Variants in NBAS observed in about 807,000 individuals in gnomAD.
The protein encoded by NBAS is NBAS subunit of NRZ tethering complex.
In NBAS, 219 loss-of-function variants were observed where a neutral mutation model predicts 302.5. The ratio of observed to expected loss-of-function variants is 0.72; its 90% confidence interval spans 0.65 to 0.81. The LOEUF is 0.81. Among genes scored for constraint, NBAS ranks in the 30% least tolerant of loss-of-function variants. NBAS has a pLI of 0.00. For synonymous variants in NBAS, 1,118 were observed against 1,021.6 expected, an observed-to-expected ratio of 1.09 and a Z score of -1.80; for missense variants, 2,932 against 2,841.6, an observed-to-expected ratio of 1.03 and a Z score of -0.72.
intron 35 of NBAS, among the ~76,000 whole-genome samples, chr2:15,331,587 C>T (rs1291711356): frequency 6.6e-6 from 1 of 152,028 alleles, no homozygotes; most frequent in Non-Finnish European, 1.5e-5. Context: ...AGAAGGATAA[C>T]GTAATAGCTT....
the NBAS span, among the ~76,000 whole-genome samples, chr2:14,826,910 C>T: frequency 6.6e-6 from 1 of 152,204 alleles, no homozygotes; most frequent in South Asian, 2.1e-4. Flanking sequence ...CATGTTCCAA[C>T]TCTTTGTAAA....
rs559458188 is a variant in NBAS at position 15,167,063 on chromosome 2, T to C, written c.7101A>G (p.Ala2367=). The C allele has an allele frequency of 1.4e-4, 226 of 1,588,124 alleles. No individual in the cohort carries two copies. Among genetic ancestry groups the C allele is most frequent in the Non-Finnish European group, 1.9e-4 (220 of 1,164,904 alleles). ...CAGGTGGCCCTCACACCCAGTGCTGTGCTGCGCGGAGGGCTGTACTGAAGG... is the reference window on the plus strand; with the variant it reads ...CAGGTGGCCCTCACACCCAGTGCTGCGCTGCGCGGAGGGCTGTACTGAAGG... ...FRTFSTALRA[A]QHWV The change falls in exon 52 of 52, where the codon GCA becomes GCG. Residue 2367 remains alanine, a synonymous_variant. Coordinates refer to ENST00000281513, the MANE Select transcript of NBAS (RefSeq NM_015909.4).
rs975765309 is a variant in NBAS, at chr2:15,292,149, A to G, written c.5027+388T>C. On this transcript the variant is annotated intron_variant, in intron 41 of 51. Transcript: ENST00000281513. ...GCTACTACACCTGGCTAATTTTTGT[A>G]TTTTTAGTAGAGATGGGGTTTTGCC... is the stretch of plus-strand genomic sequence containing the variant. Among the ~76,000 whole-genome samples the G allele has an allele frequency of 9.9e-5, 15 of 151,892 alleles. 1 individual carries two copies. The highest frequency in any genetic ancestry group is 3.2e-3 in the Middle Eastern group (1 of 316).
chr2:15,024,251 C>T, the NBAS span, among the ~76,000 whole-genome samples: 3 of 151,538 alleles, frequency 2.0e-5, no homozygotes, highest in Admixed American at 6.6e-5. Context: ...CATTAGTTTG[C>T]TAAGGATGAT....
chr2:15,324,011 G>A (rs58587204), intron 38 of NBAS, among the ~76,000 whole-genome samples: 40,381 of 151,778 alleles, frequency 0.27, 5,946 homozygotes, highest in East Asian at 0.59. Flanking sequence ...GAACTACAGA[G>A]GTAAGTTTGA....
the NBAS span, among the ~76,000 whole-genome samples, chr2:14,906,405 C>T: frequency 6.6e-6 from 1 of 152,234 alleles, no homozygotes; most frequent in Non-Finnish European, 1.5e-5. Context: ...ACTCACATCT[C>T]ATTGACCCCT....
chr2:15,170,794 A>G (rs1227309292), intron 51 of NBAS, among the ~76,000 whole-genome samples: 8 of 152,226 alleles, frequency 5.3e-5, no homozygotes, highest in Admixed American at 5.2e-4. Flanking sequence ...GACCCATTCC[A>G]ACAAGTACAT....
chr2:14,918,643 G>A, the NBAS span, among the ~76,000 whole-genome samples: 129 of 152,338 alleles, frequency 8.5e-4, no homozygotes, highest in Non-Finnish European at 1.4e-3. Context: ...TAAGGGCCCA[G>A]ATTGACAAGT....
rs1412491257 is a variant in NBAS, at chr2:15,321,316, A to G, written c.4582+6434T>C. Among the ~76,000 whole-genome samples, 6 of 152,334 alleles carry G rather than the reference A, an allele frequency of 3.9e-5. No homozygotes were observed. In the East Asian group the frequency reaches 9.6e-4, roughly 24 times the overall value. ...CCTAGAAGAAAACCTAGGCAATACCATTCAGGACATAGGCCTGGGCAAGGA... is the reference window on the plus strand; with the variant it reads ...CCTAGAAGAAAACCTAGGCAATACCGTTCAGGACATAGGCCTGGGCAAGGA... On this transcript the variant is annotated intron_variant, in intron 38 of 51. Transcript: ENST00000281513.
At chr2:15,235,260 G>C (rs1667542928) in intron 45 of NBAS, among the ~76,000 whole-genome samples, 4 of 152,086 alleles carry the variant, frequency 2.6e-5, no homozygotes, top group Admixed American at 2.6e-4. Context: ...TATAAAAAAG[G>C]AAATTAAAGA....
the NBAS span, among the ~76,000 whole-genome samples, chr2:14,779,606 G>A: frequency 6.6e-6 from 1 of 152,100 alleles, no homozygotes; most frequent in Admixed American, 6.5e-5. Context: ...CAGACCAGAT[G>A]TTCACTCCTT....
the NBAS span, among the ~76,000 whole-genome samples, chr2:15,091,323 G>A: frequency 6.6e-6 from 1 of 152,170 alleles, no homozygotes; most frequent in Admixed American, 6.5e-5. Context: ...ACTGATATGT[G>A]GATTTTCTTC....
chr2:15,008,032 T>C, the NBAS span, among the ~76,000 whole-genome samples: 1 of 152,250 alleles, frequency 6.6e-6, no homozygotes, highest in Non-Finnish European at 1.5e-5. Flanking sequence ...GATGTTGCTA[T>C]GCAACAGATG....
At chr2:15,258,145 C>T (rs1668688350) in intron 44 of NBAS, among the ~76,000 whole-genome samples, 1 of 152,206 alleles carries the variant, frequency 6.6e-6, no homozygotes, top group Non-Finnish European at 1.5e-5. Flanking sequence ...ACATTTATCA[C>T]TTCCCTAATA....
At chr2:14,891,243 T>C in the NBAS span, among the ~76,000 whole-genome samples, 1 of 152,076 alleles carries the variant, frequency 6.6e-6, no homozygotes, top group South Asian at 2.1e-4. Context: ...ACAAACCCAA[T>C]TAGGAAAATA....
chr2:14,834,202 G>A, the NBAS span, among the ~76,000 whole-genome samples: 1 of 152,134 alleles, frequency 6.6e-6, no homozygotes, highest in African/African-American at 2.4e-5. Context: ...TAGTCAAAAT[G>A]AATGTTGAAT....
chr2:15,322,191 G>A (rs1306662058), intron 38 of NBAS, among the ~76,000 whole-genome samples: 1 of 129,898 alleles, frequency 7.7e-6, no homozygotes, highest in Non-Finnish European at 1.6e-5. Context: ...TGAACAATGA[G>A]AACACTTGGA....
the NBAS span, among the ~76,000 whole-genome samples, chr2:15,079,082 G>T: frequency 6.6e-6 from 1 of 152,096 alleles, no homozygotes; most frequent in Non-Finnish European, 1.5e-5. Flanking sequence ...GTTTTAAGTT[G>T]CTGGACTGAC....
At chr2:15,524,669 T>C (rs1662837605) in intron 9 of NBAS, among the ~76,000 whole-genome samples, 1 of 152,164 alleles carries the variant, frequency 6.6e-6, no homozygotes, top group Non-Finnish European at 1.5e-5. Flanking sequence ...TAGGGCAACT[T>C]CAAAGCAAGG....
Sources: gnomAD v4.1 joint callset for allele counts (sites outside exome capture counted in the v4.1 genomes callset) on GRCh38, gnomAD v4.1.1 for gene constraint, MANE v1.5 for transcripts, NCBI Gene and HGNC (gene_info 2026-07-23, HGNC 2026-07-21) for gene names.